The following WDR41 variants were observed in gnomAD, a reference collection of about 807,000 sequenced individuals.
WDR41 encodes the protein WD repeat domain 41.
A neutral mutation model predicts 69.3 loss-of-function variants in WDR41; 63 were observed. The observed-to-expected ratio is 0.91, with a 90% confidence interval of 0.74 to 1.12. The LOEUF (loss-of-function observed/expected upper bound fraction) is 1.12, where lower values mean the gene tolerates loss of function less well. WDR41 is among the 50% of genes most tolerant of loss of function. The probability of loss-of-function intolerance (pLI) is 0.00; values close to 1 mark genes in which losing one functional copy is unlikely to be tolerated. For synonymous variants in WDR41, 185 were observed against 192.1 expected (o/e 0.96, Z 0.31); for missense variants, 543 against 534.5 (o/e 1.02, Z -0.16).
At chr5:77,545,701 C>T in intron 1 of WDR41, 1 of 495,240 alleles carries the variant, frequency 2.0e-6, no homozygotes, top group Middle Eastern at 5.0e-4. Flanking sequence ...AAAGGTTACG[C>T]CAGTGCAGAA....
At chr5:77,474,284 G>T (rs1800778585) in intron 2 of WDR41, among the ~76,000 whole-genome samples, 1 of 152,062 alleles carries the variant, frequency 6.6e-6, no homozygotes, top group Non-Finnish European at 1.5e-5. Flanking sequence ...AGGGCCTGTT[G>T]TGGGGTGGGG....
chr5:77,504,163 C>A (rs1444297827), intron 1 of WDR41, among the ~76,000 whole-genome samples: 7 of 151,688 alleles, frequency 4.6e-5, no homozygotes, highest in Admixed American at 1.3e-4. Flanking sequence ...AGAGAAGAAT[C>A]AAATAGATGC....
chr5:77,503,969 A>C (rs1468983081), intron 1 of WDR41, among the ~76,000 whole-genome samples: 3 of 152,196 alleles, frequency 2.0e-5, no homozygotes, highest in African/African-American at 7.2e-5. Flanking sequence ...TAAAAGAACT[A>C]GAGAAGCAAG....
intron 2 of WDR41, among the ~76,000 whole-genome samples, chr5:77,478,897 T>C (rs1046230118): frequency 1.1e-4 from 17 of 151,884 alleles, no homozygotes; most frequent in Non-Finnish European, 1.5e-4. Context: ...TCCCTGTTTG[T>C]AGATGACATG....
At position 77,607,850 on chromosome 5, in the gene WDR41, C is replaced by A. The variant is rs184294261; in HGVS notation, c.42+12629G>T. ...TACATTTTAAGTTTTCAAATAATTGCCTATATTTATATTCTCTAATTCTAC... is the reference window on the plus strand; with the variant it reads ...TACATTTTAAGTTTTCAAATAATTGACTATATTTATATTCTCTAATTCTAC... On this transcript the variant is annotated intron_variant, in intron 1 of 5. Coordinates refer to the WDR41 transcript ENST00000509971. Among the ~76,000 whole-genome samples the A allele has an allele frequency of 7.2e-5, 11 of 152,132 alleles. No homozygotes were observed. In the East Asian group the frequency reaches 2.1e-3, roughly 29 times the overall value.
At chr5:77,547,576 G>A (rs993472194) in intron 1 of WDR41, among the ~76,000 whole-genome samples, 5 of 150,620 alleles carry the variant, frequency 3.3e-5, no homozygotes, top group East Asian at 1.9e-4. Flanking sequence ...ACCTAATCAC[G>A]GAGGTGAAAG....
At chr5:77,506,748 G>C (rs866271319) in intron 1 of WDR41, among the ~76,000 whole-genome samples, 1 of 152,128 alleles carries the variant, frequency 6.6e-6, no homozygotes, top group Non-Finnish European at 1.5e-5. Context: ...GGACATGGAC[G>C]AAGCTGGAAA....
At chr5:77,440,505 T>C (rs1223683959) in intron 9 of WDR41, among the ~76,000 whole-genome samples, 2 of 152,204 alleles carry the variant, frequency 1.3e-5, no homozygotes, top group Non-Finnish European at 2.9e-5. Flanking sequence ...AAGAACTCTT[T>C]TTCACAGTGT....
chr5:77,548,603 G>T (rs1743241809), intron 1 of WDR41, among the ~76,000 whole-genome samples: 1 of 152,140 alleles, frequency 6.6e-6, no homozygotes, highest in African/African-American at 2.4e-5. Context: ...TGCTAGAATG[G>T]CCATAATCAA....
intron 1 of WDR41, among the ~76,000 whole-genome samples, chr5:77,603,702 T>C (rs917423846): frequency 6.6e-6 from 1 of 152,226 alleles, no homozygotes; most frequent in Non-Finnish European, 1.5e-5. Flanking sequence ...GTTTTATAGT[T>C]TTAGGCCTTA....
chr5:77,451,426 T>A (rs1025034523), intron 6 of WDR41, 73 bp from the exon 7 acceptor site: 1 of 1,396,304 alleles, frequency 7.2e-7, no homozygotes. Context: ...ACATTCTCAG[T>A]TTTATGTCAG....
intron 1 of WDR41, among the ~76,000 whole-genome samples, chr5:77,610,450 T>C (rs578182525): frequency 9.2e-5 from 14 of 152,112 alleles, no homozygotes; most frequent in Non-Finnish European, 1.6e-4. Flanking sequence ...GACTAACAGC[T>C]GATCTCTCAG....
intron 2 of WDR41, among the ~76,000 whole-genome samples, chr5:77,469,811 C>A (rs1275134814): frequency 6.6e-6 from 1 of 152,130 alleles, no homozygotes. Flanking sequence ...ATTGGTGTAA[C>A]TGAAAGTGAC....
chr5:77,589,461 A>G (rs1391040863), intron 1 of WDR41, among the ~76,000 whole-genome samples: 1 of 152,186 alleles, frequency 6.6e-6, no homozygotes, highest in Non-Finnish European at 1.5e-5. Flanking sequence ...TGGGATTGCA[A>G]TGGATCTAGA....
At chr5:77,581,235 T>C (rs1743933749) in intron 1 of WDR41, among the ~76,000 whole-genome samples, 1 of 151,940 alleles carries the variant, frequency 6.6e-6, no homozygotes, top group Non-Finnish European at 1.5e-5. Flanking sequence ...AAAGAGACCT[T>C]AAAACAAAAA....
chr5:77,449,906 G>A, intron 7 of WDR41, 36 bp from the exon 8 acceptor site: 2 of 1,376,440 alleles, frequency 1.5e-6, no homozygotes, highest in Non-Finnish European at 2.1e-6. Flanking sequence ...TTATTACAAT[G>A]CTCTAAGAGG....
At chr5:77,604,479 T>A (rs879399921) in intron 1 of WDR41, among the ~76,000 whole-genome samples, 3 of 152,240 alleles carry the variant, frequency 2.0e-5, no homozygotes, top group Admixed American at 2.0e-4. Flanking sequence ...AAAGTCATCC[T>A]CAGTCTTAAG....
intron 2 of WDR41, among the ~76,000 whole-genome samples, chr5:77,469,528 C>T (rs1331880676): frequency 6.6e-6 from 1 of 152,086 alleles, no homozygotes; most frequent in Admixed American, 6.6e-5. Context: ...TTTGGTAAGA[C>T]CATTTCATAA....
chr5:77,503,323 TA>T (rs1021427370), intron 1 of WDR41, among the ~76,000 whole-genome samples: 5 of 151,736 alleles, frequency 3.3e-5, no homozygotes, highest in African/African-American at 9.7e-5. Context: ...CAAGAAGAGC[TA>T]ACTATCCTAA....
Sources: allele counts gnomAD v4.1 joint callset (sites outside exome capture counted in the v4.1 genomes callset), GRCh38; gene constraint gnomAD v4.1.1; transcripts MANE v1.5; gene names NCBI Gene and HGNC (gene_info 2026-07-23, HGNC 2026-07-21).